HEATR6: variants seen among roughly 807,000 people sequenced by gnomAD.
HEATR6 encodes the protein HEAT repeat containing 6, also known as HEAT repeat-containing protein 6.
HEATR6 carries 106 observed loss-of-function variants against 132.8 expected under a neutral mutation model. The ratio of observed to expected loss-of-function variants is 0.80; its 90% CI spans 0.68 to 0.94. HEATR6 has a LOEUF of 0.94. Ranked by LOEUF, HEATR6 falls within the 40% of genes least tolerant of loss-of-function variation. The probability of loss-of-function intolerance (pLI) is 0.00; values close to 1 mark genes in which losing one functional copy is unlikely to be tolerated. For missense variants in HEATR6, 1,339 were observed against 1,425.1 expected (o/e 0.94, Z 0.97); for synonymous variants, 529 against 537.8 (o/e 0.98, Z 0.23).
chr17:60,069,769 T>C lies in HEATR6; in HGVS notation c.881A>G (p.Asp294Gly), dbSNP rs1245746307. The C allele has an allele frequency of 8.7e-6, 14 of 1,613,954 alleles. No homozygotes were observed. The highest frequency in any genetic ancestry group is 1.2e-5 in the Non-Finnish European group (14 of 1,180,000). The change falls in exon 7 of 20, where the codon GAT becomes GGT. Residue 294 changes from aspartate to glycine, a missense_variant. By Grantham distance (94) the Asp-to-Gly change is moderately conservative (BLOSUM62 -1). Coordinates refer to ENST00000184956, the MANE Select transcript of HEATR6 (RefSeq NM_022070.5). ...VLYPTPLPQY[D>G]GRTPIKPQQS... is the part of the protein sequence containing the mutation. ...CTGTGGTTTGATAGGTGTTCGCCCA[T>C]CATACTGAGGAAGCGGAGTTGGGTA...
rs772192906 is a variant in HEATR6, at chr17:60,043,818, C to T, written c.3291G>A (p.Leu1097=). Residue 1097 remains leucine (L), a synonymous_variant, in exon 20 of 20, where the codon CTG becomes CTA. Coordinates refer to ENST00000184956, the MANE Select transcript of HEATR6 (RefSeq NM_022070.5). The part of the protein sequence containing the change: ...DLPCMKETLE[L]SGNMVQSYIL... ...TATAGGACTGGACCATATTCCCACT[C>T]AGTTCAAGGGTTTCTTTCATACAAG... The T allele has an allele frequency of 6.8e-6, 11 of 1,614,152 alleles. No homozygotes were observed. The highest frequency in any genetic ancestry group is 9.3e-6 in the Non-Finnish European group (11 of 1,180,028).
rs747022717 is a variant in HEATR6 at position 60,060,095 on chromosome 17, G to A, written c.1418C>T (p.Thr473Ile). The A allele has an allele frequency of 1.2e-6, 2 of 1,612,748 alleles. No homozygotes were observed. Among genetic ancestry groups the A allele is most frequent in the South Asian group, 1.1e-5 (1 of 91,050 alleles). The part of the protein sequence containing the change: ...TLTLKDPSPK[T>I]RACALQVLSA... ...TAAAACTTGCAGAGCACAGGCACGTGTCTGAAATTTCGGGATGATTCACAT... is the reference window on the plus strand; with the variant it reads ...TAAAACTTGCAGAGCACAGGCACGTATCTGAAATTTCGGGATGATTCACAT... Residue 473 changes from threonine to isoleucine, a missense_variant and splice_region_variant, in exon 10 of 20, where the codon ACA (threonine) becomes ATA (isoleucine). Thr to Ile is a moderately conservative substitution (Grantham distance 89). Transcript: ENST00000184956.
chr17:60,058,907 A>C (rs1300056818), intron 11 of HEATR6, among the ~76,000 whole-genome samples: 1 of 152,244 alleles, frequency 6.6e-6, no homozygotes, highest in African/African-American at 2.4e-5. Context: ...GCACAAATAC[A>C]TTATGTGTAG....
At position 60,076,254 on chromosome 17, in the gene HEATR6, G is replaced by A. The variant is rs2083296193; in HGVS notation, c.220-17C>T. ...ACTAACGTCCTACCAAAAAAAAAAA[G>A]ATAAGAGGTAAAATACTTATTAGTC... is the stretch of plus-strand genomic sequence containing the variant. On this transcript the variant is annotated splice_polypyrimidine_tract_variant and intron_variant, in intron 1 of 19. Transcript: ENST00000184956. 10 of 1,319,222 alleles carry A rather than the reference G, an allele frequency of 7.6e-6. No homozygotes were observed. The Admixed American group carries it at 8.9e-5, about 12-fold the overall frequency. 81.7% of individuals were successfully genotyped at this position (1,319,222 alleles called of 1,614,324 possible). A position where few individuals can be genotyped will look rare whatever the true frequency, so the allele number is the denominator to read the frequency against.
chr17:60,068,674 T>C (rs1040638543), intron 7 of HEATR6, among the ~76,000 whole-genome samples: 1 of 151,728 alleles, frequency 6.6e-6, no homozygotes, highest in Non-Finnish European at 1.5e-5. Flanking sequence ...ATGGGCAATA[T>C]ATACTCTCAT....
In HEATR6 at chr17:60,076,241, C is replaced by CA; in HGVS notation, c.220-5_220-4insT. On this transcript the variant is annotated splice_region_variant and splice_polypyrimidine_tract_variant and intron_variant, in intron 1 of 19. Transcript: ENST00000184956. ...GGACAAGAAGAGCACTAACGTCCTA[C>CA]CAAAAAAAAAAAGATAAGAGGTAAA... is the stretch of plus-strand genomic sequence containing the variant. The CA allele has an allele frequency of 2.0e-6, 3 of 1,519,348 alleles. No individual in the cohort carries two copies. Among genetic ancestry groups the CA allele is most frequent in the Admixed American group, 1.9e-5 (1 of 53,618 alleles). 94.1% of individuals were successfully genotyped at this position (1,519,348 alleles called of 1,614,324 possible).
At chr17:60,057,468 C>T in intron 11 of HEATR6, 65 bp from the exon 12 acceptor site, 8 of 1,074,508 alleles carry the variant, frequency 7.4e-6, no homozygotes, top group South Asian at 3.1e-5. Context: ...GGTAGTTATC[C>T]CAGCAGGCAA....
At chr17:60,052,760 C>T (rs761776939) in intron 14 of HEATR6, among the ~76,000 whole-genome samples, 3 of 152,130 alleles carry the variant, frequency 2.0e-5, no homozygotes, top group Non-Finnish European at 4.4e-5. Flanking sequence ...GTCACATGCC[C>T]TTCATCCATC....
intron 15 of HEATR6, among the ~76,000 whole-genome samples, chr17:60,049,973 A>G (rs548749895): frequency 1.3e-5 from 2 of 152,336 alleles, no homozygotes; most frequent in African/African-American, 4.8e-5. Context: ...GTAAATAAGA[A>G]TGGAGGCAAA....
Position 60,059,273 on chromosome 17 carries a change from C to T in HEATR6, c.1723+149G>A, listed in dbSNP as rs768636576. On this transcript the variant is annotated intron_variant, in intron 11 of 19. Coordinates refer to ENST00000184956, the MANE Select transcript of HEATR6 (RefSeq NM_022070.5). ...GGGTCAATTCTTGCAACAGCTTATA[C>T]CCCTGAAAAGTTGAGAAGAATAAGC... The T allele has an allele frequency of 1.6e-5, 8 of 510,860 alleles. No individual in the cohort carries two copies. The Admixed American group carries it at 2.3e-4, about 15-fold the overall frequency. The allele number at this position is 510,860 out of a possible 1,614,324, so 31.6% of individuals were successfully genotyped here. A position where few individuals can be genotyped will look rare whatever the true frequency, so the allele number is the denominator to read the frequency against.
intron 14 of HEATR6, among the ~76,000 whole-genome samples, chr17:60,053,305 A>G (rs1203695619): frequency 6.6e-6 from 1 of 152,212 alleles, no homozygotes; most frequent in Non-Finnish European, 1.5e-5. Flanking sequence ...AGATGCTGGC[A>G]CCATGCTTCT....
chr17:60,055,138 T>C (rs1302248689), intron 14 of HEATR6, among the ~76,000 whole-genome samples: 1 of 152,132 alleles, frequency 6.6e-6, no homozygotes, highest in Admixed American at 6.5e-5. Context: ...TGCTCCCCCT[T>C]TGCCTTCCAC....
chr17:60,044,908 C>T (rs79111623), intron 19 of HEATR6, among the ~76,000 whole-genome samples: 2,205 of 152,312 alleles, frequency 0.014, 22 homozygotes, highest in Middle Eastern at 0.044. Context: ...ACTCACAATC[C>T]GACCCGTCAG....
intron 16 of HEATR6, 21 bp from the exon 17 acceptor site, chr17:60,048,409 C>A: frequency 1.3e-6 from 2 of 1,594,756 alleles, no homozygotes; most frequent in East Asian, 2.3e-5. Context: ...AAACAAAACA[C>A]TGCAGTTACT....
intron 14 of HEATR6, among the ~76,000 whole-genome samples, chr17:60,055,296 G>C (rs1028957967): frequency 6.6e-6 from 1 of 152,040 alleles, no homozygotes; most frequent in Non-Finnish European, 1.5e-5. Flanking sequence ...ACTATTGCTG[G>C]TTATATGTTA....
rs1568641316 is a variant in HEATR6 at position 60,070,718 on chromosome 17, TA to T, written c.788del (p.Leu263Ter). 2 of 1,595,086 alleles carry T rather than the reference TA, an allele frequency of 1.3e-6. No individual in the cohort carries two copies. The highest frequency in any genetic ancestry group is 1.7e-6 in the Non-Finnish European group (2 of 1,162,724). On this transcript the variant is annotated frameshift_variant, in exon 6 of 20. Transcript: ENST00000184956. LOFTEE classifies it high-confidence loss of function. ...AGACTTGCCTTACCTTTAGCACAGCTAAAAGTGCTCCAAGTTCATCAGTCTG... is the reference window on the plus strand; with the variant it reads ...AGACTTGCCTTACCTTTAGCACAGCTAAAGTGCTCCAAGTTCATCAGTCTG... ...LTQTDELGAL[L>X]AVLKKFMFHG...
intron 15 of HEATR6, 135 bp from the exon 16 acceptor site, chr17:60,049,837 CTGGTAA>C: frequency 1.1e-6 from 1 of 935,946 alleles, no homozygotes; most frequent in Non-Finnish European, 1.6e-6. Context: ...TGAGGCTACC[CTGGTAA>C]AAAGCAGGTT....
In HEATR6 at chr17:60,072,276, G is replaced by T. The variant is rs745980318; in HGVS notation, c.638C>A (p.Ala213Asp). The T allele has an allele frequency of 9.3e-5, 150 of 1,611,298 alleles. No homozygotes were observed. The highest frequency in any genetic ancestry group is 1.1e-4 in the Non-Finnish European group (135 of 1,178,272). ...TGGAGACTGTAAAATAGTCAGAAAAGCTTGGAAACAGACATTTTGGTAGGG... is the reference window on the plus strand; with the variant it reads ...TGGAGACTGTAAAATAGTCAGAAAATCTTGGAAACAGACATTTTGGTAGGG... ...EEPYQNVCFQAFLTILQSPKS... is the reference protein window; with the variant it reads ...EEPYQNVCFQDFLTILQSPKS... Residue 213 changes from alanine to aspartate, a missense_variant, in exon 5 of 20, where the codon GCT (alanine) becomes GAT (aspartate). Physicochemically the swap from Ala to Asp is moderately radical, Grantham distance 126. Coordinates refer to ENST00000184956, the MANE Select transcript of HEATR6 (RefSeq NM_022070.5).
At chr17:60,048,600 G>C (rs1056493771) in intron 16 of HEATR6, among the ~76,000 whole-genome samples, 2 of 152,118 alleles carry the variant, frequency 1.3e-5, no homozygotes, top group African/African-American at 2.4e-5. Context: ...TTTGGTATGT[G>C]CCATGGACAC....
Sources: allele counts gnomAD v4.1 joint callset (sites outside exome capture counted in the v4.1 genomes callset), GRCh38; gene constraint gnomAD v4.1.1; transcripts MANE v1.5; gene names NCBI Gene and HGNC (gene_info 2026-07-23, HGNC 2026-07-21).